Variants in AFG3L2 observed in about 807,000 individuals in gnomAD.
AFG3L2 encodes mitochondrial inner membrane m-AAA protease component AFG3L2.
Under a neutral mutation model 94.5 loss-of-function variants are expected in AFG3L2, and 54 were observed. That is an observed-to-expected ratio of 0.57 (90% CI 0.46 to 0.72). The LOEUF (loss-of-function observed/expected upper bound fraction) is 0.72, where lower values mean the gene tolerates loss of function less well. Among genes scored for constraint, AFG3L2 ranks in the 30% least tolerant of loss-of-function variants. The probability of loss-of-function intolerance (pLI) is 0.00; values close to 1 mark genes in which losing one functional copy is unlikely to be tolerated. For synonymous variants in AFG3L2, 377 were observed against 365.5 expected, an observed-to-expected ratio of 1.03 and a Z score of -0.36; for missense variants, 754 against 994.9, an observed-to-expected ratio of 0.76 and a Z score of 3.26.
At chr18:12,371,111 G>A (rs373422693) in intron 2 of AFG3L2, among the ~76,000 whole-genome samples, 185 bp from the exon 3 acceptor site, 1 of 152,066 alleles carries the variant, frequency 6.6e-6, no homozygotes, top group East Asian at 1.9e-4. Context: ...TCAGGAGTTC[G>A]AGACCAGCCT....
Position 12,353,128 on chromosome 18 carries a change from T to G in AFG3L2, c.1195A>C (p.Asn399His), listed in dbSNP as rs955150348. The change falls in exon 10 of 17, where the codon AAT becomes CAT. Residue 399 changes from asparagine (N) to histidine (H), a missense_variant. By Grantham distance (68) the Asn-to-His change is moderately conservative. Transcript: ENST00000269143. ...VRDLFALARK[N>H]APCILFIDEI... ...TCGATGAAGAGGATGCAAGGGGCAT[T>G]CTTCCGAGCAAGGGCAAATAAGTCT... 3 of 1,614,134 alleles carry G rather than the reference T, an allele frequency of 1.9e-6. No homozygotes were observed. In the East Asian group the frequency reaches 6.7e-5, roughly 36 times the overall value.
chr18:12,349,039 A>G (rs1908230853), intron 12 of AFG3L2, among the ~76,000 whole-genome samples: 1 of 152,242 alleles, frequency 6.6e-6, no homozygotes. Context: ...ACTATTGTAT[A>G]TAATCTTTTC....
At chr18:12,343,626 T>A (rs1393874114) in intron 14 of AFG3L2, 2 of 164,102 alleles carry the variant, frequency 1.2e-5, no homozygotes, top group Non-Finnish European at 2.7e-5. Context: ...GGATTGCCAC[T>A]GTGCATGTGT....
chr18:12,331,404 T>C (rs1848373842), intron 16 of AFG3L2, among the ~76,000 whole-genome samples: 1 of 152,214 alleles, frequency 6.6e-6, no homozygotes. Context: ...GGAGCAGAGC[T>C]CTGAACTTCT....
chr18:12,359,088 T>G, intron 7 of AFG3L2, 145 bp from the exon 8 acceptor site: 1 of 1,229,576 alleles, frequency 8.1e-7, no homozygotes, highest in East Asian at 2.6e-5. Context: ...CTTGCAAGTG[T>G]TCTTCAAAGG....
At chr18:12,363,607 C>T (rs1598836103) in intron 6 of AFG3L2, among the ~76,000 whole-genome samples, 175 bp downstream of exon 6, 3 of 152,202 alleles carry the variant, frequency 2.0e-5, no homozygotes, top group Admixed American at 2.0e-4. Context: ...ATCAATAATC[C>T]ATACACAACA....
In AFG3L2 at chr18:12,377,118, C is replaced by A; in HGVS notation, c.-36G>T. 1 of 1,353,020 alleles carries A rather than the reference C, an allele frequency of 7.4e-7. No homozygotes were observed. The highest frequency in any genetic ancestry group is 2.7e-4 in the Middle Eastern group (1 of 3,706). 83.8% of individuals were successfully genotyped at this position (1,353,020 alleles called of 1,614,324 possible). A position where few individuals can be genotyped will look rare whatever the true frequency, so the allele number is the denominator to read the frequency against. On this transcript the variant is annotated 5_prime_UTR_variant, in exon 1 of 17. Transcript: ENST00000269143. Reference sequence around the variant, plus strand: ...GTGGCCCTCTCGGCCCGGGACGCTGCGCAGGCGCGGGCAGGCGACGACTGG... The same window carrying A: ...GTGGCCCTCTCGGCCCGGGACGCTGAGCAGGCGCGGGCAGGCGACGACTGG...
In AFG3L2 at chr18:12,371,883, G is replaced by A. The variant is rs141634519; in HGVS notation, c.115-192C>T. ...GCCACTGATTCCAGCAAAAGAACCA[G>A]GAGACACACATTATTATCCAGAAAA... On this transcript the variant is annotated intron_variant, in intron 1 of 16. Coordinates refer to ENST00000269143, the MANE Select transcript of AFG3L2 (RefSeq NM_006796.3). Among the ~76,000 whole-genome samples the A allele has an allele frequency of 5.2e-3, 785 of 152,226 alleles. 6 individuals carry two copies. Among genetic ancestry groups the A allele is most frequent in the African/African-American group, 0.018 (750 of 41,530 alleles).
chr18:12,338,295 T>C (rs1180491079), intron 15 of AFG3L2, among the ~76,000 whole-genome samples: 5 of 152,082 alleles, frequency 3.3e-5, no homozygotes, highest in African/African-American at 1.2e-4. Context: ...CTGATAGACC[T>C]GAAGAAACAA....
chr18:12,361,948 G>A (rs1269501266), intron 6 of AFG3L2, among the ~76,000 whole-genome samples: 2 of 152,200 alleles, frequency 1.3e-5, no homozygotes, highest in Non-Finnish European at 2.9e-5. Flanking sequence ...TGGGCCAAAC[G>A]CCTGGCTCCC....
Position 12,353,148 on chromosome 18 carries a change from A to G in AFG3L2, c.1175T>C (p.Leu392Ser). The G allele has an allele frequency of 6.2e-7, 1 of 1,614,048 alleles. No homozygotes were observed. The highest frequency in any genetic ancestry group is 8.5e-7 in the Non-Finnish European group (1 of 1,179,956). The part of the protein sequence containing the change: ...VGVGPARVRD[L>S]FALARKNAPC... ...GGCATTCTTCCGAGCAAGGGCAAAT[A>G]AGTCTCGGACCTTGGCAAAAACAGA... is the stretch of plus-strand genomic sequence containing the variant. The change falls in exon 10 of 17, where the codon TTA (leucine) becomes TCA (serine). Residue 392 changes from leucine (L) to serine (S), a missense_variant. Physicochemically the swap from Leu to Ser is moderately radical, Grantham distance 145. Around this residue, in one of 4 missense-constraint regions of AFG3L2, gnomAD observed 109 missense variants for 227.1 expected, o/e 0.48. Coordinates refer to ENST00000269143, the MANE Select transcript of AFG3L2 (RefSeq NM_006796.3).
In AFG3L2 at chr18:12,376,662, G is replaced by A. The variant is rs572385397; in HGVS notation, c.114+307C>T. On this transcript the variant is annotated intron_variant, in intron 1 of 16. Transcript: ENST00000269143. ...CCTTCGTTCCGTGCTCCGGGGACAC[G>A]AAAGCGGGGACAAGGACGGCCACCA... 9.2e-5 allele frequency among the ~76,000 whole-genome samples: 14 copies of A among 152,336 alleles called. No individual in the cohort carries two copies. The East Asian group carries it at 2.1e-3, about 23-fold the overall frequency.
chr18:12,349,415 G>C (rs970691794), intron 12 of AFG3L2, among the ~76,000 whole-genome samples: 1 of 152,168 alleles, frequency 6.6e-6, no homozygotes, highest in Non-Finnish European at 1.5e-5. Context: ...TATACCAAGA[G>C]AAACACTATG....
intron 16 of AFG3L2, among the ~76,000 whole-genome samples, chr18:12,330,472 T>C (rs1458819903): frequency 1.3e-5 from 2 of 152,060 alleles, no homozygotes; most frequent in East Asian, 3.9e-4. Context: ...TGTATCTTTT[T>C]ATGTGCATTA....
At chr18:12,333,145 T>C (rs1423093940) in intron 16 of AFG3L2, among the ~76,000 whole-genome samples, 1 of 70,368 alleles carries the variant, frequency 1.4e-5, no homozygotes, top group African/African-American at 5.0e-5. Flanking sequence ...ATATATATAA[T>C]ATATAATAAT....
chr18:12,348,213 T>A, intron 13 of AFG3L2, 60 bp downstream of exon 13: 2 of 1,426,092 alleles, frequency 1.4e-6, no homozygotes, highest in Non-Finnish European at 2.0e-6. Flanking sequence ...AACAGAGAAA[T>A]CCCTGGCCTC....
chr18:12,339,998 C>T (rs948923941), intron 15 of AFG3L2, among the ~76,000 whole-genome samples: 2 of 152,120 alleles, frequency 1.3e-5, no homozygotes, highest in Admixed American at 1.3e-4. Context: ...CCAGCCTGGG[C>T]AACAGAGGGA....
In AFG3L2 at chr18:12,371,206, C is replaced by T. The variant is rs1324439134; in HGVS notation, c.215-280G>A. Reference sequence around the variant, plus strand: ...GCAGGTGCCTGTAATCCCAGCTACTCGGGAGGCTGAGGCAGGAGAATCGCT... The same window carrying T: ...GCAGGTGCCTGTAATCCCAGCTACTTGGGAGGCTGAGGCAGGAGAATCGCT... On this transcript the variant is annotated intron_variant, in intron 2 of 16. Transcript: ENST00000269143. Among the ~76,000 whole-genome samples the T allele has an allele frequency of 2.0e-5, 3 of 151,424 alleles. No homozygotes were observed. The South Asian group carries it at 6.2e-4, about 31-fold the overall frequency.
chr18:12,341,823 T>C (rs1907962120), intron 14 of AFG3L2: 1 of 152,194 alleles, frequency 6.6e-6, no homozygotes, highest in Admixed American at 6.6e-5. Context: ...GCCAAACTGT[T>C]TTCCAAAACA....
Sources: allele counts gnomAD v4.1 joint callset (sites outside exome capture counted in the v4.1 genomes callset), GRCh38; gene constraint gnomAD v4.1.1; regional missense constraint gnomAD v4.1.1; transcripts MANE v1.5; gene names NCBI Gene and HGNC (gene_info 2026-07-23, HGNC 2026-07-21).